Variants in RABGAP1L observed in about 807,000 individuals in gnomAD.
RABGAP1L encodes RAB GTPase activating protein 1 like.
In RABGAP1L, 63 loss-of-function variants were observed where a neutral mutation model predicts 137.7. The observed-to-expected ratio is 0.46, with a 90% confidence interval of 0.37 to 0.56. The LOEUF (loss-of-function observed/expected upper bound fraction) is 0.56. Ranked by LOEUF, RABGAP1L falls within the 20% of genes least tolerant of loss-of-function variation. RABGAP1L has a pLI of 0.00. For missense variants in RABGAP1L, 1,095 were observed against 1,244.0 expected, an observed-to-expected ratio of 0.88 and a Z score of 1.80; for synonymous variants, 431 against 433.7, an observed-to-expected ratio of 0.99 and a Z score of 0.08.
At chr1:174,635,136 C>T (rs1673870946) in intron 13 of RABGAP1L, among the ~76,000 whole-genome samples, 4 of 151,508 alleles carry the variant, frequency 2.6e-5, no homozygotes, top group African/African-American at 7.3e-5. Flanking sequence ...TTCTTTTTAC[C>T]AATTTTTCTT....
At position 174,780,101 on chromosome 1, in the gene RABGAP1L, A is replaced by C. The variant is rs567182321; in HGVS notation, c.2211+27747A>C. On this transcript the variant is annotated intron_variant, in intron 18 of 25. Transcript: ENST00000681986. Reference sequence around the variant, plus strand: ...AAATAAATAAATAAATAAATAAATAAATAAATAAATAAATAAATTAAATAA... The same window carrying C: ...AAATAAATAAATAAATAAATAAATACATAAATAAATAAATAAATTAAATAA... 3.6e-3 allele frequency among the ~76,000 whole-genome samples: 429 copies of C among 119,940 alleles called. 3 individuals are homozygous for C. The highest frequency in any genetic ancestry group is 0.011 in the African/African-American group (409 of 38,730). 78.7% of individuals were successfully genotyped at this position (119,940 alleles called of 152,430 possible).
intron 17 of RABGAP1L, among the ~76,000 whole-genome samples, chr1:174,742,473 C>T (rs1572996797): frequency 6.6e-6 from 1 of 152,064 alleles, no homozygotes. Context: ...GCTGAGATCG[C>T]GCCACTGCAC....
At chr1:174,577,021 A>C (rs1375743797) in intron 13 of RABGAP1L, among the ~76,000 whole-genome samples, 2 of 152,112 alleles carry the variant, frequency 1.3e-5, no homozygotes, top group East Asian at 3.8e-4. Flanking sequence ...TACATAAAAC[A>C]AAAAACAAAA....
At chr1:174,519,722 A>G (rs530876574) in intron 13 of RABGAP1L, among the ~76,000 whole-genome samples, 9 of 152,350 alleles carry the variant, frequency 5.9e-5, no homozygotes, top group South Asian at 2.1e-4. Context: ...TGGTACATCT[A>G]TTGAGTCTCT....
At chr1:174,277,687 A>G (rs528196174) in intron 9 of RABGAP1L, among the ~76,000 whole-genome samples, 11 of 152,100 alleles carry the variant, frequency 7.2e-5, no homozygotes, top group Non-Finnish European at 1.6e-4. Flanking sequence ...TTTGATTTTT[A>G]TGGAAGAAGT....
intron 13 of RABGAP1L, among the ~76,000 whole-genome samples, chr1:174,484,723 A>G (rs74517920): frequency 0.035 from 5,285 of 152,082 alleles, 120 homozygotes; most frequent in Middle Eastern, 0.088. Flanking sequence ...GTTTATTTCT[A>G]GGTTCTCTAT....
At chr1:174,361,590 G>C (rs1278307465) in intron 11 of RABGAP1L, among the ~76,000 whole-genome samples, 2 of 151,976 alleles carry the variant, frequency 1.3e-5, no homozygotes, top group African/African-American at 2.4e-5. Flanking sequence ...ATTGTTCACT[G>C]TTGGCATATA....
At chr1:174,746,004 C>G (rs537836429) in intron 17 of RABGAP1L, among the ~76,000 whole-genome samples, 2 of 152,344 alleles carry the variant, frequency 1.3e-5, no homozygotes, top group East Asian at 1.9e-4. Context: ...CTGATGCACA[C>G]TTGGTACTTT....
At chr1:174,752,765 T>C (rs552220187) in intron 18 of RABGAP1L, among the ~76,000 whole-genome samples, 1 of 152,332 alleles carries the variant, frequency 6.6e-6, no homozygotes, top group African/African-American at 2.4e-5. Flanking sequence ...TATAATATAC[T>C]GACTAAAAAA....
At chr1:174,226,554 G>A (rs948198502) in intron 3 of RABGAP1L, among the ~76,000 whole-genome samples, 1 of 152,162 alleles carries the variant, frequency 6.6e-6, no homozygotes, top group Non-Finnish European at 1.5e-5. Flanking sequence ...ATAATCTTGA[G>A]TCTGTTTTTG....
Position 174,370,977 on chromosome 1 carries a change from A to C in RABGAP1L, c.1466-2A>C, listed in dbSNP as rs1558174755. ...TTGTTGGTTTTTGCGTTTCTTCTGC[A>C]GAGAGTGATAATGAACTCTCAAGTG... On this transcript the variant is annotated splice_acceptor_variant, in intron 11 of 25. Transcript: ENST00000681986. LOFTEE classifies it high-confidence loss of function. 2.1e-6 allele frequency: 3 copies of C among 1,458,932 alleles called. No individual in the cohort carries two copies. The allele number at this position is 1,458,932 out of a possible 1,614,324, so 90.4% of individuals were successfully genotyped here.
At chr1:174,937,655 A>G (rs1665110519) in intron 19 of RABGAP1L, among the ~76,000 whole-genome samples, 1 of 121,642 alleles carries the variant, frequency 8.2e-6, no homozygotes, top group Admixed American at 7.7e-5. Context: ...AGAAACTGTC[A>G]TAAATGTATT....
chr1:174,590,017 T>A (rs1019818986), intron 13 of RABGAP1L, among the ~76,000 whole-genome samples: 13 of 152,050 alleles, frequency 8.5e-5, no homozygotes, highest in African/African-American at 2.9e-4. Flanking sequence ...ATACTTTGAT[T>A]CGGATTACAC....
intron 10 of RABGAP1L, among the ~76,000 whole-genome samples, chr1:174,297,294 G>A (rs372699742): frequency 1.3e-5 from 2 of 152,082 alleles, no homozygotes; most frequent in East Asian, 1.9e-4. Flanking sequence ...CAGAAATTTC[G>A]GCTTGCAGAT....
At chr1:174,404,496 A>G (rs867514970) in intron 13 of RABGAP1L, among the ~76,000 whole-genome samples, 1 of 152,160 alleles carries the variant, frequency 6.6e-6, no homozygotes, top group Non-Finnish European at 1.5e-5. Context: ...TATTCTTGTT[A>G]GAACAAATAC....
chr1:174,654,683 A>T (rs1228516259), intron 14 of RABGAP1L, among the ~76,000 whole-genome samples: 1 of 152,200 alleles, frequency 6.6e-6, no homozygotes, highest in East Asian at 1.9e-4. Flanking sequence ...CTTTAAAAAA[A>T]GTATGTGAAT....
At chr1:174,545,843 T>C (rs1305986198) in intron 13 of RABGAP1L, 1 of 152,244 alleles carries the variant, frequency 6.6e-6, no homozygotes, top group African/African-American at 2.4e-5. Flanking sequence ...ATAGTACATT[T>C]TGAATGCTTA....
intron 4 of RABGAP1L, among the ~76,000 whole-genome samples, chr1:174,237,063 T>A (rs1216633090): frequency 1.4e-5 from 2 of 145,892 alleles, no homozygotes; most frequent in Non-Finnish European, 3.0e-5. Flanking sequence ...TGGTTTAAAG[T>A]CTGTTTTATC....
At chr1:174,311,253 AGAGT>A (rs1558122056) in intron 11 of RABGAP1L, among the ~76,000 whole-genome samples, 1 of 152,156 alleles carries the variant, frequency 6.6e-6, no homozygotes, top group African/African-American at 2.4e-5. Context: ...GGCAGGAGAG[AGAGT>A]GAGAGAGAGA....
Sources: allele counts gnomAD v4.1 joint callset (sites outside exome capture counted in the v4.1 genomes callset), GRCh38; gene constraint gnomAD v4.1.1; transcripts MANE v1.5; gene names NCBI Gene and HGNC (gene_info 2026-07-23, HGNC 2026-07-21).